The following SLC27A2 variants were observed in gnomAD, a reference collection of about 807,000 sequenced individuals.
SLC27A2 encodes the protein solute carrier family 27 member 2, also known as long-chain fatty acid transport protein 2.
SLC27A2 carries 54 observed loss-of-function variants against 60.0 expected under a neutral mutation model. The observed-to-expected ratio is 0.90, with a 90% CI of 0.72 to 1.13. SLC27A2 has a LOEUF of 1.13. SLC27A2 is among the 50% of genes most tolerant of loss of function. The pLI is 0.00. For missense variants in SLC27A2, 739 were observed against 777.6 expected (o/e 0.95, Z 0.59); for synonymous variants, 297 against 297.6 (o/e 1.00, Z 0.02).
At chr15:50,194,068 C>G (rs1021375011) in intron 1 of SLC27A2, among the ~76,000 whole-genome samples, 1 of 152,076 alleles carries the variant, frequency 6.6e-6, no homozygotes, top group Admixed American at 6.5e-5. Context: ...ATCACTTGAG[C>G]CCAGGAGGTT....
At chr15:50,228,775 G>A (rs912234251) in intron 7 of SLC27A2, among the ~76,000 whole-genome samples, 170 bp from the exon 8 acceptor site, 1 of 152,152 alleles carries the variant, frequency 6.6e-6, no homozygotes, top group Non-Finnish European at 1.5e-5. Context: ...TCCCTTTTAT[G>A]CCTCAAACAA....
At chr15:50,192,080 A>C (rs1157284936) in intron 1 of SLC27A2, among the ~76,000 whole-genome samples, 6 of 152,138 alleles carry the variant, frequency 3.9e-5, no homozygotes, top group African/African-American at 1.4e-4. Flanking sequence ...AAAAGAAAAA[A>C]GAAAATATGT....
chr15:50,184,817 A>T lies in SLC27A2; in HGVS notation c.478+1912A>T, dbSNP rs1387909764. On this transcript the variant is annotated intron_variant, in intron 1 of 9. Coordinates refer to ENST00000267842, the MANE Select transcript of SLC27A2 (RefSeq NM_003645.4). The stretch of plus-strand genomic sequence containing the variant: ...ATGCCACTGCACTCCAGCCTGGGGG[A>T]CAGAGTGAGACTCCATCTCAAAAAA... 3.9e-5 allele frequency among the ~76,000 whole-genome samples: 6 copies of T among 152,180 alleles called. No individual in the cohort carries two copies. The East Asian group carries it at 5.8e-4, about 15-fold the overall frequency.
chr15:50,185,567 A>T (rs2044914100), intron 1 of SLC27A2, among the ~76,000 whole-genome samples: 1 of 152,042 alleles, frequency 6.6e-6, no homozygotes. Flanking sequence ...TACTTTAAAA[A>T]AAAAAGTTTA....
chr15:50,198,105 A>G (rs1426457074), intron 2 of SLC27A2: 4 of 165,858 alleles, frequency 2.4e-5, no homozygotes, highest in Non-Finnish European at 5.3e-5. Context: ...GTGAACAATG[A>G]GGAGGTTCTA....
chr15:50,220,593 G>C (rs1017566583), intron 4 of SLC27A2, among the ~76,000 whole-genome samples: 4 of 152,186 alleles, frequency 2.6e-5, no homozygotes, highest in African/African-American at 9.7e-5. Flanking sequence ...TGAGCACCCA[G>C]CTCAGGTGAT....
chr15:50,232,164 C>G (rs2045320850), intron 8 of SLC27A2, among the ~76,000 whole-genome samples: 1 of 152,222 alleles, frequency 6.6e-6, no homozygotes, highest in African/African-American at 2.4e-5. Context: ...ATGGGTGATT[C>G]TGCACAAGGC....
At chr15:50,192,015 A>G (rs1529345) in intron 1 of SLC27A2, among the ~76,000 whole-genome samples, 128,904 of 150,882 alleles carry the variant, frequency 0.85, 55,681 homozygotes, top group East Asian at 0.95. Context: ...AGTTGAGATC[A>G]CGCCATTGCA....
intron 5 of SLC27A2, 64 bp downstream of exon 5, chr15:50,223,223 G>A: frequency 8.3e-7 from 1 of 1,198,908 alleles, no homozygotes; most frequent in South Asian, 1.5e-5. Flanking sequence ...CTTCTTAAAA[G>A]CCAAGTCATG....
At chr15:50,215,170 C>A (rs375172330) in intron 4 of SLC27A2, among the ~76,000 whole-genome samples, 1 of 152,224 alleles carries the variant, frequency 6.6e-6, no homozygotes. Flanking sequence ...TATACACCAA[C>A]AGCGACCAAG....
intron 4 of SLC27A2, among the ~76,000 whole-genome samples, chr15:50,209,862 AACAC>A (rs1201370753): frequency 6.6e-6 from 1 of 152,176 alleles, no homozygotes; most frequent in East Asian, 1.9e-4. Flanking sequence ...CGATGAGAAA[AACAC>A]ACACAAGCAC....
At chr15:50,235,891 C>G (rs769808030) in intron 9 of SLC27A2, 29 bp from the exon 10 acceptor site, 1 of 1,577,244 alleles carries the variant, frequency 6.3e-7, no homozygotes, top group Non-Finnish European at 8.6e-7. Flanking sequence ...AAAATGCAAC[C>G]AAAATGTGGA....
chr15:50,192,425 CATGA>C (rs1278037303), intron 1 of SLC27A2, among the ~76,000 whole-genome samples: 1 of 152,210 alleles, frequency 6.6e-6, no homozygotes, highest in Non-Finnish European at 1.5e-5. Flanking sequence ...CAGCTGGGAA[CATGA>C]ATGAAGTACA....
At chr15:50,194,284 A>T (rs551418936) in intron 1 of SLC27A2, among the ~76,000 whole-genome samples, 10 of 152,296 alleles carry the variant, frequency 6.6e-5, no homozygotes, top group Admixed American at 1.3e-4. Context: ...AAGAAGTGCT[A>T]CCTACACTGA....
intron 1 of SLC27A2, among the ~76,000 whole-genome samples, chr15:50,183,602 A>G (rs1332611601): frequency 6.6e-6 from 1 of 152,196 alleles, no homozygotes; most frequent in Non-Finnish European, 1.5e-5. Flanking sequence ...GCCACATTTC[A>G]GCCAGACTTG....
In SLC27A2 at chr15:50,182,220, C is replaced by A; in HGVS notation, c.-208C>A. 2.7e-6 allele frequency: 2 copies of A among 728,120 alleles called. No homozygotes were observed. Among genetic ancestry groups the A allele is most frequent in the Non-Finnish European group, 3.7e-6 (2 of 533,426 alleles). The allele number at this position is 728,120 out of a possible 1,614,324, so 45.1% of individuals were successfully genotyped here. ...CAGTCCTGCCCGGAACCCCCGGCAA[C>A]GCGCATACGACTACACCTGCTCCGG... On this transcript the variant is annotated 5_prime_UTR_variant, in exon 1 of 10. Coordinates refer to ENST00000267842, the MANE Select transcript of SLC27A2 (RefSeq NM_003645.4).
intron 1 of SLC27A2, among the ~76,000 whole-genome samples, chr15:50,186,267 A>G (rs2044921728): frequency 6.6e-6 from 1 of 152,048 alleles, no homozygotes; most frequent in South Asian, 2.1e-4. Context: ...AAAATTTCTG[A>G]GATCATCCCC....
At chr15:50,233,398 C>T (rs2045329037) in intron 8 of SLC27A2, among the ~76,000 whole-genome samples, 1 of 152,158 alleles carries the variant, frequency 6.6e-6, no homozygotes, top group African/African-American at 2.4e-5. Flanking sequence ...GCCACCAGTC[C>T]AACCTACTCC....
intron 4 of SLC27A2, among the ~76,000 whole-genome samples, chr15:50,211,222 G>A (rs538603803): frequency 4.6e-5 from 7 of 152,286 alleles, no homozygotes; most frequent in African/African-American, 1.7e-4. Flanking sequence ...GGATCCCATG[G>A]AGTCATTGCA....
Sources: gnomAD v4.1 joint callset for allele counts (sites outside exome capture counted in the v4.1 genomes callset) on GRCh38, gnomAD v4.1.1 for gene constraint, MANE v1.5 for transcripts, NCBI Gene and HGNC (gene_info 2026-07-23, HGNC 2026-07-21) for gene names.